The following ALDH1A1 variants were observed in gnomAD, a reference collection of about 807,000 sequenced individuals.
The protein encoded by ALDH1A1 is aldehyde dehydrogenase 1 family member A1.
ALDH1A1 carries 19 observed loss-of-function variants against 62.1 expected under a neutral mutation model. The observed-to-expected ratio is 0.31, with a 90% CI of 0.21 to 0.45. ALDH1A1 has a LOEUF of 0.45. Among genes scored for constraint, ALDH1A1 ranks in the 20% least tolerant of loss-of-function variants. The pLI, the probability that ALDH1A1 is intolerant of heterozygous loss-of-function variation, is 1.00. For missense variants in ALDH1A1, 521 were observed against 607.1 expected (o/e 0.86, Z 1.49); for synonymous variants, 231 against 215.9 (o/e 1.07, Z -0.61).
intron 12 of ALDH1A1, among the ~76,000 whole-genome samples, chr9:72,905,221 T>C (rs1829863565): frequency 6.6e-6 from 1 of 152,096 alleles, no homozygotes; most frequent in Non-Finnish European, 1.5e-5. Context: ...TTTTAAGAAA[T>C]AAAATGACTA....
chr9:72,923,001 G>A (rs997471485), intron 7 of ALDH1A1, among the ~76,000 whole-genome samples: 13 of 152,084 alleles, frequency 8.5e-5, no homozygotes, highest in Non-Finnish European at 1.5e-5. Context: ...ATGTAAATTT[G>A]CCTTTATTCT....
intron 2 of ALDH1A1, among the ~76,000 whole-genome samples, chr9:72,937,910 C>T (rs1319968214): frequency 6.6e-6 from 1 of 152,184 alleles, no homozygotes; most frequent in Non-Finnish European, 1.5e-5. Context: ...GTTTCTACTT[C>T]TCAAATTGTT....
chr9:72,949,180 G>A (rs1830508690), intron 1 of ALDH1A1, among the ~76,000 whole-genome samples: 1 of 151,836 alleles, frequency 6.6e-6, no homozygotes. Context: ...GCCTCTCCTA[G>A]CCCAAACGTC....
intron 3 of ALDH1A1, among the ~76,000 whole-genome samples, chr9:72,929,638 A>G (rs1480131258): frequency 1.3e-5 from 2 of 152,224 alleles, no homozygotes; most frequent in Admixed American, 6.5e-5. Flanking sequence ...CCTAACCATT[A>G]TAAGATGACC....
intron 8 of ALDH1A1, among the ~76,000 whole-genome samples, chr9:72,917,648 T>C (rs1326308066): frequency 1.3e-5 from 2 of 152,186 alleles, no homozygotes; most frequent in Non-Finnish European, 1.5e-5. Flanking sequence ...TATGATTTTA[T>C]TCCATCAAAG....
chr9:72,918,708 G>A lies in ALDH1A1; in HGVS notation c.850+12C>T, dbSNP rs146027677. On this transcript the variant is annotated intron_variant, in intron 8 of 12. Transcript: ENST00000297785. ...TGAAGGACGAAAAGTTAACAAAGTG[G>A]TTTCTACTCACAGTCGGCATCAGCT... 2,248 of 1,526,368 alleles carry A rather than the reference G, an allele frequency of 1.5e-3. 33 individuals carry two copies. The African/African-American group carries it at 0.03, about 20-fold the overall frequency. 94.6% of individuals were successfully genotyped at this position (1,526,368 alleles called of 1,614,324 possible).
rs1439970584 is a variant in ALDH1A1, at chr9:72,901,249, C to T, written c.1465G>A (p.Val489Ile). The T allele has an allele frequency of 5.6e-6, 9 of 1,610,292 alleles. No individual in the cohort carries two copies. The highest frequency in any genetic ancestry group is 7.6e-6 in the Non-Finnish European group (9 of 1,178,178). Residue 489 changes from valine to isoleucine, a missense_variant, in exon 13 of 13, where the codon GTC becomes ATC. Physicochemically the swap from Val to Ile is conservative, Grantham distance 29. Transcript: ENST00000297785. Reference protein sequence around the residue: ...GEYGFHEYTEVKTVTVKISQK... With the variant: ...GEYGFHEYTEIKTVTVKISQK... ...GAGATTTTCACTGTGACTGTTTTGA[C>T]CTCTGTATATTCATGGAAACCGTAC...
intron 1 of ALDH1A1, among the ~76,000 whole-genome samples, chr9:72,940,777 G>A (rs1016192869): frequency 3.3e-5 from 5 of 152,138 alleles, no homozygotes; most frequent in African/African-American, 1.2e-4. Context: ...CTTTTTAAAA[G>A]CATATGGTTT....
chr9:72,936,469 G>A (rs776353094), intron 2 of ALDH1A1, among the ~76,000 whole-genome samples: 1 of 152,140 alleles, frequency 6.6e-6, no homozygotes, highest in Non-Finnish European at 1.5e-5. Flanking sequence ...GAGAAAGTAT[G>A]TAGCTCTCAA....
chr9:72,916,220 G>A (rs1159790366), intron 9 of ALDH1A1, among the ~76,000 whole-genome samples: 1 of 152,086 alleles, frequency 6.6e-6, no homozygotes, highest in Non-Finnish European at 1.5e-5. Context: ...TAGAATCACT[G>A]CTCTAGAACA....
At chr9:72,913,838 C>A (rs1474066602) in intron 9 of ALDH1A1, among the ~76,000 whole-genome samples, 1 of 152,166 alleles carries the variant, frequency 6.6e-6, no homozygotes, top group Admixed American at 6.6e-5. Context: ...TACTGAATCC[C>A]CGGGCACAGG....
At chr9:72,930,111 GA>G (rs1296400192) in intron 3 of ALDH1A1, among the ~76,000 whole-genome samples, 3 of 152,132 alleles carry the variant, frequency 2.0e-5, no homozygotes, top group African/African-American at 7.2e-5. Flanking sequence ...AGATTCTAAA[GA>G]TGAAATTTGC....
chr9:72,912,360 T>C (rs541658276), intron 9 of ALDH1A1, among the ~76,000 whole-genome samples: 26 of 152,276 alleles, frequency 1.7e-4, no homozygotes, highest in African/African-American at 5.3e-4. Context: ...TATAGTTATA[T>C]AGGAAAGCAT....
At chr9:72,928,431 G>T (rs554501639) in intron 4 of ALDH1A1, among the ~76,000 whole-genome samples, 7 of 152,126 alleles carry the variant, frequency 4.6e-5, no homozygotes, top group Non-Finnish European at 1.0e-4. Flanking sequence ...GATTAGTCTG[G>T]TCTAACTACA....
intron 2 of ALDH1A1, among the ~76,000 whole-genome samples, chr9:72,937,206 G>A (rs576857665): frequency 1.3e-5 from 2 of 152,214 alleles, no homozygotes; most frequent in South Asian, 4.1e-4. Flanking sequence ...CTATAGTATA[G>A]TATATCTATC....
rs1022378497 is a variant in ALDH1A1 at position 72,942,372 on chromosome 9, C to T, written c.67-2120G>A. 16 of 985,246 alleles carry T rather than the reference C, an allele frequency of 1.6e-5. No individual in the cohort carries two copies. In the African/African-American group the frequency reaches 2.6e-4, roughly 16 times the overall value. The allele number at this position is 985,246 out of a possible 1,614,324, so 61.0% of individuals were successfully genotyped here. ...AAGTTCTGAAGCTTGCTCATGCACACTGTCCCCCAGCCCTATCTCTCACAC... is the reference window on the plus strand; with the variant it reads ...AAGTTCTGAAGCTTGCTCATGCACATTGTCCCCCAGCCCTATCTCTCACAC... On this transcript the variant is annotated intron_variant, in intron 1 of 12. Transcript: ENST00000297785.
At position 72,953,036 on chromosome 9, in the gene ALDH1A1, C is replaced by A; in HGVS notation, c.-36G>T. On this transcript the variant is annotated 5_prime_UTR_variant, in exon 1 of 13. Coordinates refer to ENST00000297785, the MANE Select transcript of ALDH1A1 (RefSeq NM_000689.5). ...GCTCCTGGAACACAGGTGACTGGCTCAGCAATTTGGTTCTGATAGAGCACT... is the reference window on the plus strand; with the variant it reads ...GCTCCTGGAACACAGGTGACTGGCTAAGCAATTTGGTTCTGATAGAGCACT... The A allele has an allele frequency of 6.2e-7, 1 of 1,612,566 alleles. No individual in the cohort carries two copies. The highest frequency in any genetic ancestry group is 8.5e-7 in the Non-Finnish European group (1 of 1,178,922).
chr9:72,935,212 A>AT (rs1830333769), intron 2 of ALDH1A1, among the ~76,000 whole-genome samples: 1 of 152,186 alleles, frequency 6.6e-6, no homozygotes, highest in African/African-American at 2.4e-5. Context: ...CAGGACTAGC[A>AT]TTTTTTAAAT....
chr9:72,952,125 A>G (rs1202600527), intron 1 of ALDH1A1, among the ~76,000 whole-genome samples: 1 of 151,970 alleles, frequency 6.6e-6, no homozygotes, highest in Non-Finnish European at 1.5e-5. Flanking sequence ...GCATCACACC[A>G]TAAAGATAAC....
Sources: gnomAD v4.1 joint callset for allele counts (sites outside exome capture counted in the v4.1 genomes callset) on GRCh38, gnomAD v4.1.1 for gene constraint, MANE v1.5 for transcripts, NCBI Gene and HGNC (gene_info 2026-07-23, HGNC 2026-07-21) for gene names.